CNOT4: variants seen among roughly 807,000 people sequenced by gnomAD.
The protein encoded by CNOT4 is CCR4-NOT transcription complex subunit 4, also known as CCR4-associated factor 4.
CNOT4 carries 8 observed loss-of-function variants against 73.8 expected under a neutral mutation model. That is an observed-to-expected ratio of 0.11 (90% CI 0.06 to 0.20). The LOEUF is 0.20. Ranked by LOEUF, CNOT4 falls within the 10% of genes least tolerant of loss-of-function variation. The probability of loss-of-function intolerance (pLI) is 1.00; values close to 1 mark genes in which losing one functional copy is unlikely to be tolerated. For synonymous variants in CNOT4, 293 were observed against 321.1 expected (o/e 0.91, Z 0.94); for missense variants, 564 against 883.4 (o/e 0.64, Z 4.58).
intron 1 of CNOT4, among the ~76,000 whole-genome samples, chr7:135,506,578 G>C (rs979914348): frequency 2.0e-5 from 3 of 152,150 alleles, no homozygotes; most frequent in African/African-American, 4.8e-5. Context: ...GGCCTGGCAT[G>C]GTGGCTCACG....
At chr7:135,423,847 T>C (rs577651741) in intron 2 of CNOT4, among the ~76,000 whole-genome samples, 1 of 152,280 alleles carries the variant, frequency 6.6e-6, no homozygotes, top group Non-Finnish European at 1.5e-5. Context: ...GTGGAAGGCA[T>C]ACAAAGCAGC....
chr7:135,442,319 G>A (rs1019289574), intron 1 of CNOT4, among the ~76,000 whole-genome samples: 9 of 152,166 alleles, frequency 5.9e-5, no homozygotes, highest in African/African-American at 1.4e-4. Context: ...TAAACAGGGC[G>A]GCGCGGTGGC....
intron 1 of CNOT4, among the ~76,000 whole-genome samples, 177 bp from the exon 2 acceptor site, chr7:135,438,600 G>A (rs1175979381): frequency 1.3e-5 from 2 of 152,148 alleles, no homozygotes; most frequent in South Asian, 2.1e-4. Flanking sequence ...AAAAGGCCTG[G>A]CATCATTAAT....
intron 1 of CNOT4, among the ~76,000 whole-genome samples, chr7:135,441,835 T>C (rs1414107485): frequency 6.6e-6 from 1 of 152,168 alleles, no homozygotes; most frequent in African/African-American, 2.4e-5. Flanking sequence ...TCTTTCAGTT[T>C]AGGGGGAGGT....
chr7:135,468,195 G>A (rs750454909), intron 1 of CNOT4, among the ~76,000 whole-genome samples: 17 of 151,694 alleles, frequency 1.1e-4, no homozygotes, highest in Non-Finnish European at 1.6e-4. Context: ...CAGCCTGGGC[G>A]ACAGAGCGAG....
intron 8 of CNOT4, 92 bp downstream of exon 8, chr7:135,398,077 C>A: frequency 1.4e-6 from 1 of 730,884 alleles, no homozygotes; most frequent in South Asian, 1.5e-5. Context: ...TAAATTGTGT[C>A]AGTAAAGTAT....
chr7:135,496,865 G>A (rs1398585131), intron 1 of CNOT4, among the ~76,000 whole-genome samples: 1 of 151,856 alleles, frequency 6.6e-6, no homozygotes, highest in Non-Finnish European at 1.5e-5. Context: ...GGAGTGAAGT[G>A]GCACAATCAC....
intron 1 of CNOT4, among the ~76,000 whole-genome samples, chr7:135,507,602 A>C (rs530323193): frequency 2.9e-4 from 44 of 152,236 alleles, no homozygotes; most frequent in African/African-American, 1.0e-3. Flanking sequence ...CGTGAGACAA[A>C]TACCTTTTTT....
At chr7:135,489,558 G>A (rs997854571) in intron 1 of CNOT4, among the ~76,000 whole-genome samples, 1 of 151,820 alleles carries the variant, frequency 6.6e-6, no homozygotes, top group Non-Finnish European at 1.5e-5. Flanking sequence ...ACCACACCCA[G>A]CTAATTTTTG....
At chr7:135,440,397 G>C (rs1007025662) in intron 1 of CNOT4, among the ~76,000 whole-genome samples, 2 of 151,520 alleles carry the variant, frequency 1.3e-5, no homozygotes, top group Non-Finnish European at 2.9e-5. Context: ...GAGAAGTAGA[G>C]AGGATCAATG....
At chr7:135,461,705 C>T (rs940624500) in intron 1 of CNOT4, among the ~76,000 whole-genome samples, 5 of 151,836 alleles carry the variant, frequency 3.3e-5, no homozygotes, top group African/African-American at 1.2e-4. Context: ...GGTGGTGCAC[C>T]CCTATAATTA....
At chr7:135,425,304 G>T (rs966360119) in intron 2 of CNOT4, among the ~76,000 whole-genome samples, 3 of 152,144 alleles carry the variant, frequency 2.0e-5, no homozygotes, top group African/African-American at 7.2e-5. Context: ...CTATGAGGTT[G>T]TATAAAATAC....
At chr7:135,402,340 C>G (rs866531442) in intron 7 of CNOT4, among the ~76,000 whole-genome samples, 4 of 152,046 alleles carry the variant, frequency 2.6e-5, no homozygotes, top group Non-Finnish European at 4.4e-5. Context: ...AACCTCCTGG[C>G]CTCAAGTGAT....
At chr7:135,433,417 C>A (rs1798969926) in intron 2 of CNOT4, among the ~76,000 whole-genome samples, 1 of 142,844 alleles carries the variant, frequency 7.0e-6, no homozygotes, top group African/African-American at 2.7e-5. Context: ...AGTGCAGTGG[C>A]ATGAACATGG....
At chr7:135,464,207 A>G (rs1057484223) in intron 1 of CNOT4, among the ~76,000 whole-genome samples, 7 of 152,174 alleles carry the variant, frequency 4.6e-5, no homozygotes, top group Admixed American at 1.3e-4. Flanking sequence ...GAGGAATATA[A>G]ATCATTCTAC....
At chr7:135,418,438 G>A (rs1797993725) in intron 3 of CNOT4, among the ~76,000 whole-genome samples, 1 of 152,054 alleles carries the variant, frequency 6.6e-6, no homozygotes, top group Non-Finnish European at 1.5e-5. Flanking sequence ...AATGTTCAAG[G>A]GCATGTCTAG....
intron 1 of CNOT4, among the ~76,000 whole-genome samples, chr7:135,499,492 A>G (rs568562266): frequency 6.6e-6 from 1 of 152,312 alleles, no homozygotes; most frequent in Admixed American, 6.5e-5. Context: ...ATTAAAAAAA[A>G]AACATAAACT....
intron 1 of CNOT4, among the ~76,000 whole-genome samples, chr7:135,455,496 A>G (rs1353827186): frequency 2.0e-5 from 3 of 152,064 alleles, no homozygotes; most frequent in Admixed American, 2.0e-4. Context: ...GGACAAAGGA[A>G]TTTATTTTGC....
At chr7:135,412,035 C>T (rs1003038525) in intron 6 of CNOT4, among the ~76,000 whole-genome samples, 3 of 151,786 alleles carry the variant, frequency 2.0e-5, no homozygotes, top group African/African-American at 7.3e-5. Flanking sequence ...TAAAGAAGAG[C>T]AAGATAAATT....
Sources: allele counts gnomAD v4.1 joint callset (sites outside exome capture counted in the v4.1 genomes callset), GRCh38; gene constraint gnomAD v4.1.1; transcripts MANE v1.5; gene names NCBI Gene and HGNC (gene_info 2026-07-23, HGNC 2026-07-21).